The following SS18L1 variants were observed in gnomAD, a reference collection of about 807,000 sequenced individuals.
SS18L1 encodes calcium-responsive transactivator.
SS18L1 carries 32 observed loss-of-function variants against 70.3 expected under a neutral mutation model. The ratio of observed to expected loss-of-function variants is 0.46; its 90% confidence interval spans 0.34 to 0.61. SS18L1 has a LOEUF of 0.61. Among genes scored for constraint, SS18L1 ranks in the 20% least tolerant of loss-of-function variants. SS18L1 has a pLI of 0.01. For missense variants in SS18L1, 430 were observed against 542.1 expected, an observed-to-expected ratio of 0.79 and a Z score of 2.05; for synonymous variants, 237 against 229.7, an observed-to-expected ratio of 1.03 and a Z score of -0.29.
rs373094719 is a variant in SS18L1 at position 62,179,273 on chromosome 20, G to T, written c.*65G>T. ...TCATCCAGGGGCCGGATGGGCTGGC[G>T]GCAGCTCTGGTGAATTGTGACATGT... On this transcript the variant is annotated 3_prime_UTR_variant, in exon 11 of 11. Coordinates refer to ENST00000331758, the MANE Select transcript of SS18L1 (RefSeq NM_198935.3). 1 of 1,581,436 alleles carries T rather than the reference G, an allele frequency of 6.3e-7. No homozygotes were observed. The highest frequency in any genetic ancestry group is 1.1e-5 in the South Asian group (1 of 90,366).
Position 62,143,775 on chromosome 20 carries a change from G to C in SS18L1, c.-46G>C, listed in dbSNP as rs764562963. ...GCGCCTCGGGCCGCCCAGCGCAGCC[G>C]GAGTATCCACCTCGATGACCACGGG... On this transcript the variant is annotated 5_prime_UTR_variant, in exon 1 of 11. Transcript: ENST00000331758. 2.4e-5 allele frequency: 31 copies of C among 1,282,282 alleles called. No homozygotes were observed. Among genetic ancestry groups the C allele is most frequent in the Non-Finnish European group, 3.0e-5 (29 of 979,710 alleles). The allele number at this position is 1,282,282 out of a possible 1,614,324, so 79.4% of individuals were successfully genotyped here.
intron 1 of SS18L1, among the ~76,000 whole-genome samples, chr20:62,152,356 C>T (rs1162407386): frequency 1.3e-5 from 2 of 152,208 alleles, no homozygotes; most frequent in Non-Finnish European, 1.5e-5. Flanking sequence ...CTCCTTGCTG[C>T]GGCCCCCGAT....
At chr20:62,167,038 GTTTGTTTTTTTTTTTT>G in intron 8 of SS18L1, among the ~76,000 whole-genome samples, 1 of 110,946 alleles carries the variant, frequency 9.0e-6, no homozygotes, top group African/African-American at 4.6e-5. Flanking sequence ...TCAGGAGTTT[GTTTGTTTTTTTTTTTT>G]TTTTTTTTTG....
At chr20:62,167,778 G>GC (rs1441991952) in intron 8 of SS18L1, among the ~76,000 whole-genome samples, 1 of 152,050 alleles carries the variant, frequency 6.6e-6, no homozygotes, top group Non-Finnish European at 1.5e-5. Flanking sequence ...ACAAACGCAG[G>GC]ATGTGCTGCT....
chr20:62,149,156 G>A (rs969987153), intron 1 of SS18L1, among the ~76,000 whole-genome samples: 1 of 152,204 alleles, frequency 6.6e-6, no homozygotes, highest in Non-Finnish European at 1.5e-5. Context: ...GCAGTGTCAC[G>A]CCCGTCCCCA....
At chr20:62,147,209 C>T (rs1448092564) in intron 1 of SS18L1, among the ~76,000 whole-genome samples, 5 of 152,112 alleles carry the variant, frequency 3.3e-5, no homozygotes, top group Non-Finnish European at 5.9e-5. Flanking sequence ...GCAGGGGGTG[C>T]TGGGCTGATG....
chr20:62,167,038 GTTTGTT>G (rs2057445748), intron 8 of SS18L1, among the ~76,000 whole-genome samples: 5 of 110,946 alleles, frequency 4.5e-5, no homozygotes, highest in Admixed American at 1.8e-4. Context: ...TCAGGAGTTT[GTTTGTT>G]TTTTTTTTTT....
chr20:62,174,933 G>A lies in SS18L1; in HGVS notation c.1164+289G>A. On this transcript the variant is annotated intron_variant, in intron 10 of 10. Coordinates refer to ENST00000331758, the MANE Select transcript of SS18L1 (RefSeq NM_198935.3). This position sits in a 1 kb window ranked among gnomAD's most constrained non-coding sequence, Gnocchi z 4.1. ...AGTGTTTGTCACGTACTGGGTACGC[G>A]TCCGGTCTCTGCTGAGTGCTTGGTG... 6 of 983,594 alleles carry A rather than the reference G, an allele frequency of 6.1e-6. No individual in the cohort carries two copies. The highest frequency in any genetic ancestry group is 7.2e-6 in the Non-Finnish European group (6 of 828,284). 60.9% of individuals were successfully genotyped at this position (983,594 alleles called of 1,614,324 possible). A position where few individuals can be genotyped will look rare whatever the true frequency, so the allele number is the denominator to read the frequency against.
At chr20:62,178,016 CTTTTTTTT>C (rs770157620) in intron 10 of SS18L1, among the ~76,000 whole-genome samples, 1 of 101,378 alleles carries the variant, frequency 9.9e-6, no homozygotes, top group African/African-American at 4.0e-5. Flanking sequence ...TGTGCCTGGC[CTTTTTTTT>C]TTTTTTTTTT....
chr20:62,163,633 G>A lies in SS18L1; in HGVS notation c.721+11G>A. On this transcript the variant is annotated intron_variant, in intron 6 of 10. Coordinates refer to ENST00000331758, the MANE Select transcript of SS18L1 (RefSeq NM_198935.3). ...GGCCCTCCCAGCAAGGTAACGCCCG[G>A]CCGGGCCAGGTCGCGGGCACAGCTG... 1 of 1,560,726 alleles carries A rather than the reference G, an allele frequency of 6.4e-7. No individual in the cohort carries two copies. The highest frequency in any genetic ancestry group is 8.6e-7 in the Non-Finnish European group (1 of 1,158,508).
chr20:62,150,955 A>G (rs1436970309), intron 1 of SS18L1, among the ~76,000 whole-genome samples: 4 of 152,042 alleles, frequency 2.6e-5, no homozygotes, highest in Non-Finnish European at 5.9e-5. Context: ...TCCTCCTGCA[A>G]AATTAAAAAG....
At chr20:62,146,777 G>C (rs999278444) in intron 1 of SS18L1, among the ~76,000 whole-genome samples, 1 of 151,820 alleles carries the variant, frequency 6.6e-6, no homozygotes, top group Admixed American at 6.6e-5. Flanking sequence ...GTGCCACCAC[G>C]CCCGGCTAAT....
rs114305390 is a variant in SS18L1, at chr20:62,149,005, G to A, written c.69+5116G>A. 2.2e-3 allele frequency among the ~76,000 whole-genome samples: 328 copies of A among 152,342 alleles called. 3 individuals are homozygous for A. The highest frequency in any genetic ancestry group is 7.6e-3 in the African/African-American group (315 of 41,582). The stretch of plus-strand genomic sequence containing the variant: ...GCCCAGGTGGTGCTCGCTAGCCGGC[G>A]GTCCTGCGGGTGCTCTCCTCGAGGC... On this transcript the variant is annotated intron_variant, in intron 1 of 10. Transcript: ENST00000331758.
rs1233126251 is a variant in SS18L1 at position 62,161,395 on chromosome 20, A to C, written c.232-41A>C. ...CTGGCTTGTGGAGGTCGCTCTCCGTAAATTAACCGTTTTTCCCTGAAAACT... is the reference window on the plus strand; with the variant it reads ...CTGGCTTGTGGAGGTCGCTCTCCGTCAATTAACCGTTTTTCCCTGAAAACT... On this transcript the variant is annotated intron_variant, in intron 3 of 10. Coordinates refer to ENST00000331758, the MANE Select transcript of SS18L1 (RefSeq NM_198935.3). This position sits in a 1 kb window ranked among gnomAD's most constrained non-coding sequence, Gnocchi z 4.4. 1.2e-6 allele frequency: 2 copies of C among 1,612,286 alleles called. No individual in the cohort carries two copies. Among genetic ancestry groups the C allele is most frequent in the Admixed American group, 3.3e-5 (2 of 59,970 alleles).
intron 3 of SS18L1, among the ~76,000 whole-genome samples, chr20:62,160,584 C>T (rs928660006): frequency 2.6e-5 from 4 of 152,172 alleles, no homozygotes; most frequent in African/African-American, 9.7e-5. Context: ...TTTTAAAATG[C>T]ATTTTTCCAA....
At chr20:62,149,435 G>C (rs1231382978) in intron 1 of SS18L1, among the ~76,000 whole-genome samples, 1 of 152,250 alleles carries the variant, frequency 6.6e-6, no homozygotes, top group African/African-American at 2.4e-5. Context: ...GTGCACAATG[G>C]GGACGGAAAT....
In SS18L1 at chr20:62,161,865, T is replaced by G. The variant is rs925176267; in HGVS notation, c.376+285T>G. Reference sequence around the variant, plus strand: ...GCGGGGTTCCAGGTGGATTGTGTAATAGGAATGGAATGCTCCTGTCTTTGG... The same window carrying G: ...GCGGGGTTCCAGGTGGATTGTGTAAGAGGAATGGAATGCTCCTGTCTTTGG... On this transcript the variant is annotated intron_variant, in intron 4 of 10. Transcript: ENST00000331758. The surrounding 1 kb of genome is among the most constrained non-coding windows in gnomAD (Gnocchi z 4.4). Among the ~76,000 whole-genome samples, 1 of 152,226 alleles carries G rather than the reference T, an allele frequency of 6.6e-6. No homozygotes were observed. Among genetic ancestry groups the G allele is most frequent in the South Asian group, 2.1e-4 (1 of 4,834 alleles).
chr20:62,164,009 T>TA, intron 6 of SS18L1, 136 bp from the exon 7 acceptor site: 1 of 704,778 alleles, frequency 1.4e-6, no homozygotes, highest in South Asian at 2.0e-5. Flanking sequence ...ATAAGTTGGA[T>TA]ACGATGACAG....
intron 3 of SS18L1, 54 bp downstream of exon 3, chr20:62,160,015 C>T: frequency 2.6e-6 from 4 of 1,521,350 alleles, no homozygotes; most frequent in Non-Finnish European, 3.6e-6. Flanking sequence ...TCCGACACTG[C>T]CTAAGATCGG....
Sources: allele counts gnomAD v4.1 joint callset (sites outside exome capture counted in the v4.1 genomes callset), GRCh38; gene constraint gnomAD v4.1.1; non-coding constraint Gnocchi (gnomAD v3.1); transcripts MANE v1.5; gene names NCBI Gene and HGNC (gene_info 2026-07-23, HGNC 2026-07-21).